DIP2B: variants seen among roughly 807,000 people sequenced by gnomAD.
The protein encoded by DIP2B is DIP2 acetate--CoA ligase B (putative), also known as disco-interacting protein 2 homolog B.
In DIP2B, 76 loss-of-function variants were observed where a neutral mutation model predicts 198.0. That is an observed-to-expected ratio of 0.38 (90% CI 0.32 to 0.46). The LOEUF (loss-of-function observed/expected upper bound fraction) is 0.46, where lower values mean the gene tolerates loss of function less well. Among genes scored for constraint, DIP2B ranks in the 20% least tolerant of loss-of-function variants. DIP2B has a pLI of 0.99. For missense variants in DIP2B, 1,559 were observed against 1,978.4 expected, an observed-to-expected ratio of 0.79 and a Z score of 4.02; for synonymous variants, 701 against 739.1, an observed-to-expected ratio of 0.95 and a Z score of 0.84.
intron 3 of DIP2B, among the ~76,000 whole-genome samples, chr12:50,652,346 T>TACACACAC (rs34791599): frequency 1.4e-5 from 2 of 140,438 alleles, no homozygotes; most frequent in Admixed American, 7.3e-5. Context: ...ATATATATAA[T>TACACACAC]ACACACACAC....
At chr12:50,727,370 CAAA>C (rs1344678394) in intron 28 of DIP2B, among the ~76,000 whole-genome samples, 2 of 152,170 alleles carry the variant, frequency 1.3e-5, no homozygotes, top group African/African-American at 4.8e-5. Context: ...AAAACAGACA[CAAA>C]GAGGTGAAAT....
intron 1 of DIP2B, among the ~76,000 whole-genome samples, chr12:50,583,090 A>G (rs1043580023): frequency 6.6e-6 from 1 of 152,222 alleles, no homozygotes; most frequent in Non-Finnish European, 1.5e-5. Context: ...TGTAGACATA[A>G]CCACAAGCCA....
At chr12:50,717,274 G>C (rs1160532704) in intron 23 of DIP2B, among the ~76,000 whole-genome samples, 1 of 136,952 alleles carries the variant, frequency 7.3e-6, no homozygotes, top group Non-Finnish European at 1.6e-5. Flanking sequence ...TGAGTTTTTT[G>C]TTCGTTTGTT....
chr12:50,532,600 C>A (rs1031668627), intron 1 of DIP2B, among the ~76,000 whole-genome samples: 8 of 152,148 alleles, frequency 5.3e-5, no homozygotes, highest in Admixed American at 2.0e-4. Context: ...AACCCACCAG[C>A]ATTTAAGCAG....
chr12:50,606,273 AC>A (rs1958980943), intron 1 of DIP2B, among the ~76,000 whole-genome samples: 1 of 152,088 alleles, frequency 6.6e-6, no homozygotes, highest in South Asian at 2.1e-4. Context: ...GGTGTGTGCC[AC>A]CATGGCTGGC....
At chr12:50,526,592 C>G (rs1294349984) in intron 1 of DIP2B, among the ~76,000 whole-genome samples, 1 of 131,288 alleles carries the variant, frequency 7.6e-6, no homozygotes, top group Non-Finnish European at 1.6e-5. Context: ...TTTTTGTGTA[C>G]TTTGCACATG....
At chr12:50,723,417 C>T in intron 27 of DIP2B, 94 bp downstream of exon 27, 1 of 1,548,080 alleles carries the variant, frequency 6.5e-7, no homozygotes, top group Non-Finnish European at 8.8e-7. Context: ...TTTGTTAAGT[C>T]AGGAATTCAA....
chr12:50,522,544 A>G (rs969748160), intron 1 of DIP2B, among the ~76,000 whole-genome samples: 5 of 152,148 alleles, frequency 3.3e-5, no homozygotes, highest in Admixed American at 3.3e-4. Flanking sequence ...TATGGGGGAA[A>G]CTAGAGTACC....
intron 22 of DIP2B, among the ~76,000 whole-genome samples, chr12:50,712,395 G>A (rs2250751): frequency 0.25 from 38,285 of 150,818 alleles, 5,877 homozygotes; most frequent in Non-Finnish European, 0.35. Flanking sequence ...CTTGAGATCA[G>A]GAGTTCAAGA....
At chr12:50,693,632 A>G (rs1939257024) in intron 14 of DIP2B, among the ~76,000 whole-genome samples, 1 of 152,154 alleles carries the variant, frequency 6.6e-6, no homozygotes, top group Admixed American at 6.5e-5. Flanking sequence ...ATCTTCAGTA[A>G]ATTTACTTTC....
chr12:50,515,597 C>T (rs1263179780), intron 1 of DIP2B, among the ~76,000 whole-genome samples: 2 of 152,188 alleles, frequency 1.3e-5, no homozygotes. Flanking sequence ...TTCCTTCTGG[C>T]TTCCTAACCT....
intron 28 of DIP2B, 120 bp downstream of exon 28, chr12:50,725,006 AG>A (rs904871937): frequency 1.1e-6 from 1 of 948,296 alleles, no homozygotes; most frequent in Non-Finnish European, 1.6e-6. Context: ...GCTAAGACAG[AG>A]GCAAAACCTA....
At chr12:50,516,841 G>T (rs1958070136) in intron 1 of DIP2B, among the ~76,000 whole-genome samples, 1 of 151,912 alleles carries the variant, frequency 6.6e-6, no homozygotes, top group Admixed American at 6.5e-5. Context: ...TGGGTGTGGT[G>T]GCGGGTGCCT....
rs116612939 is a variant in DIP2B, at chr12:50,595,918, A to C, written c.101-30058A>C. On this transcript the variant is annotated intron_variant, in intron 1 of 37. Coordinates refer to ENST00000301180, the MANE Select transcript of DIP2B (RefSeq NM_173602.3). ...CTCTCAGTCTTGCCTTATCACCCTC[A>C]AGGAGTAGGATTTCTTTGTACCTTT... is the stretch of plus-strand genomic sequence containing the variant. Among the ~76,000 whole-genome samples the C allele has an allele frequency of 7.1e-3, 1,084 of 152,256 alleles. 16 individuals are homozygous for C. The highest frequency in any genetic ancestry group is 0.025 in the African/African-American group (1,043 of 41,546).
At chr12:50,731,841 T>TC (rs1940048102) in intron 31 of DIP2B, among the ~76,000 whole-genome samples, 2 of 152,204 alleles carry the variant, frequency 1.3e-5, no homozygotes. Context: ...TACTTTTTTT[T>TC]CCTAATAGAA....
At chr12:50,698,264 AT>A in intron 17 of DIP2B, 63 bp from the exon 18 acceptor site, 2 of 1,543,358 alleles carry the variant, frequency 1.3e-6, no homozygotes, top group Non-Finnish European at 1.7e-6. Flanking sequence ...TTGTCTTCCT[AT>A]GTATTTGTAT....
intron 1 of DIP2B, among the ~76,000 whole-genome samples, chr12:50,506,134 T>G (rs1244201931): frequency 6.6e-6 from 1 of 152,188 alleles, no homozygotes; most frequent in Non-Finnish European, 1.5e-5. Flanking sequence ...GTGATCAGGC[T>G]TCTGGGGCAG....
At chr12:50,631,384 A>C (rs1452540178) in intron 2 of DIP2B, among the ~76,000 whole-genome samples, 1 of 151,288 alleles carries the variant, frequency 6.6e-6, no homozygotes, top group African/African-American at 2.4e-5. Flanking sequence ...CTGCCACCAC[A>C]CTCGGCTAAT....
chr12:50,737,924 G>A (rs527385629), intron 35 of DIP2B, among the ~76,000 whole-genome samples: 13 of 152,262 alleles, frequency 8.5e-5, no homozygotes, highest in South Asian at 6.2e-4. Flanking sequence ...ATTTCATTAC[G>A]TAGCTGAATG....
Sources: allele counts gnomAD v4.1 joint callset (sites outside exome capture counted in the v4.1 genomes callset), GRCh38; gene constraint gnomAD v4.1.1; transcripts MANE v1.5; gene names NCBI Gene and HGNC (gene_info 2026-07-23, HGNC 2026-07-21).